COL14A1: variants seen among roughly 807,000 people sequenced by gnomAD.
COL14A1 encodes the protein collagen alpha-1(XIV) chain.
A neutral mutation model predicts 230.3 loss-of-function variants in COL14A1; 136 were observed. The observed-to-expected ratio is 0.59, with a 90% CI of 0.51 to 0.68. COL14A1 has a LOEUF of 0.68. COL14A1 is among the 30% of genes least tolerant of loss of function. COL14A1 has a pLI of 0.00. For synonymous variants in COL14A1, 792 were observed against 784.1 expected (o/e 1.01, Z -0.17); for missense variants, 1,976 against 2,215.8 (o/e 0.89, Z 2.17).
intron 5 of COL14A1, among the ~76,000 whole-genome samples, chr8:120,183,851 C>G (rs1816557367): frequency 6.6e-6 from 1 of 152,112 alleles, no homozygotes; most frequent in Non-Finnish European, 1.5e-5. Flanking sequence ...TTTCTTCTTT[C>G]CTTCTTCCTT....
In COL14A1 at chr8:120,260,847, A is replaced by G. The variant is rs539550937; in HGVS notation, c.2870-2021A>G. Among the ~76,000 whole-genome samples, 92 of 152,308 alleles carry G rather than the reference A, an allele frequency of 6.0e-4. 2 individuals are homozygous for G. In the South Asian group the frequency reaches 0.019, roughly 32 times the overall value. ...TTTGTACATTTTATATGCACTCAAC[A>G]GCTCTCAGATGGTTTCATTTTGGAA... is the stretch of plus-strand genomic sequence containing the variant. On this transcript the variant is annotated intron_variant, in intron 23 of 47. Coordinates refer to ENST00000297848, the MANE Select transcript of COL14A1 (RefSeq NM_021110.4).
intron 39 of COL14A1, 84 bp downstream of exon 39, chr8:120,315,670 G>T: frequency 8.7e-7 from 1 of 1,154,748 alleles, no homozygotes. Context: ...TCTGAAGTCA[G>T]TTGTGATCTT....
At chr8:120,361,337 CATTTACAT>C (rs1290362945) in intron 45 of COL14A1, among the ~76,000 whole-genome samples, 1 of 152,162 alleles carries the variant, frequency 6.6e-6, no homozygotes. Flanking sequence ...TTGCAAGGCT[CATTTACAT>C]ATAAAACAAC....
At chr8:120,297,654 C>A in intron 35 of COL14A1, 66 bp downstream of exon 35, 1 of 949,018 alleles carries the variant, frequency 1.1e-6, no homozygotes, top group Non-Finnish European at 1.5e-6. Flanking sequence ...AAATGAGAAG[C>A]TATTTCTCAA....
At chr8:120,312,294 C>T (rs12678188) in intron 37 of COL14A1, among the ~76,000 whole-genome samples, 75,401 of 151,846 alleles carry the variant, frequency 0.5, 19,718 homozygotes, top group African/African-American at 0.68. Flanking sequence ...TGCTTCCACA[C>T]GCTCACCTCC....
intron 42 of COL14A1, among the ~76,000 whole-genome samples, chr8:120,334,679 C>G (rs1014774126): frequency 1.3e-5 from 2 of 151,254 alleles, no homozygotes; most frequent in Non-Finnish European, 2.9e-5. Context: ...TGTTTCATAC[C>G]AGAAAAGAAA....
intron 21 of COL14A1, among the ~76,000 whole-genome samples, chr8:120,248,228 G>A (rs1818822869): frequency 6.6e-6 from 1 of 151,966 alleles, no homozygotes; most frequent in Non-Finnish European, 1.5e-5. Context: ...ACTCATCACG[G>A]TAGTAAAATG....
chr8:120,362,521 C>T (rs548257362), intron 45 of COL14A1, among the ~76,000 whole-genome samples: 1 of 152,212 alleles, frequency 6.6e-6, no homozygotes, highest in Non-Finnish European at 1.5e-5. Context: ...CAAGCAAGTC[C>T]CTGATTTTGT....
intron 1 of COL14A1, among the ~76,000 whole-genome samples, chr8:120,145,062 A>G (rs947336911): frequency 6.6e-6 from 1 of 152,218 alleles, no homozygotes; most frequent in African/African-American, 2.4e-5. Context: ...GATCAATAAG[A>G]AAATGGGTAA....
chr8:120,160,590 C>T (rs1815631138), intron 3 of COL14A1, among the ~76,000 whole-genome samples: 1 of 152,204 alleles, frequency 6.6e-6, no homozygotes, highest in Admixed American at 6.5e-5. Context: ...ATTATTTCTT[C>T]ATAAATGCTA....
At chr8:120,153,385 A>T (rs1815353110) in intron 2 of COL14A1, among the ~76,000 whole-genome samples, 1 of 152,090 alleles carries the variant, frequency 6.6e-6, no homozygotes. Context: ...GTGTTTTGCC[A>T]TGTTGCCCAG....
At chr8:120,147,251 C>A (rs1815127230) in intron 1 of COL14A1, among the ~76,000 whole-genome samples, 1 of 151,834 alleles carries the variant, frequency 6.6e-6, no homozygotes, top group Non-Finnish European at 1.5e-5. Context: ...TTTAGATTCA[C>A]TTATATTAGG....
At chr8:120,164,483 G>C (rs1815797919) in intron 4 of COL14A1, among the ~76,000 whole-genome samples, 1 of 151,884 alleles carries the variant, frequency 6.6e-6, no homozygotes. Flanking sequence ...AGTAATTGCA[G>C]TTTTTGCAAT....
intron 5 of COL14A1, among the ~76,000 whole-genome samples, chr8:120,184,176 G>T (rs915275239): frequency 2.6e-5 from 4 of 151,922 alleles, no homozygotes; most frequent in African/African-American, 9.7e-5. Flanking sequence ...AGGAAAGTGT[G>T]TGTGTATGTG....
chr8:120,160,287 T>C (rs1815620259), intron 3 of COL14A1, among the ~76,000 whole-genome samples: 1 of 152,200 alleles, frequency 6.6e-6, no homozygotes, highest in African/African-American at 2.4e-5. Flanking sequence ...GTTACTATTT[T>C]TTGTTACCTC....
intron 27 of COL14A1, 85 bp from the exon 28 acceptor site, chr8:120,278,350 T>A (rs1819919491): frequency 1.3e-6 from 2 of 1,524,518 alleles, no homozygotes; most frequent in Admixed American, 4.4e-5. Context: ...TTCATTAATT[T>A]AAGAACTTTG....
intron 5 of COL14A1, among the ~76,000 whole-genome samples, chr8:120,184,686 G>A (rs1816590259): frequency 6.6e-6 from 1 of 152,204 alleles, no homozygotes; most frequent in Admixed American, 6.5e-5. Flanking sequence ...CTGAGAGCCA[G>A]GAGAGCTGAT....
At chr8:120,320,719 C>G (rs1368765979) in intron 40 of COL14A1, among the ~76,000 whole-genome samples, 1 of 152,106 alleles carries the variant, frequency 6.6e-6, no homozygotes, top group East Asian at 1.9e-4. Flanking sequence ...TGATTTTCTT[C>G]TTTGTGGCTC....
At chr8:120,306,134 GT>G (rs2130059228) in intron 36 of COL14A1, among the ~76,000 whole-genome samples, 1 of 152,194 alleles carries the variant, frequency 6.6e-6, no homozygotes, top group Admixed American at 6.5e-5. Flanking sequence ...GTATACTATA[GT>G]TTTTTATTGT....
Sources: allele counts gnomAD v4.1 joint callset (sites outside exome capture counted in the v4.1 genomes callset), GRCh38; gene constraint gnomAD v4.1.1; transcripts MANE v1.5; gene names NCBI Gene and HGNC (gene_info 2026-07-23, HGNC 2026-07-21).